The following STK36 variants were observed in gnomAD, a reference collection of about 807,000 sequenced individuals.
STK36 encodes serine/threonine kinase 36.
A neutral mutation model predicts 142.2 loss-of-function variants in STK36; 116 were observed. That is an observed-to-expected ratio of 0.82 (90% CI 0.70 to 0.95). The LOEUF (loss-of-function observed/expected upper bound fraction) is 0.95, where lower values mean the gene tolerates loss of function less well. Ranked by LOEUF, STK36 falls within the 40% of genes least tolerant of loss-of-function variation. The pLI is 0.00. For synonymous variants in STK36, 619 were observed against 641.7 expected, an observed-to-expected ratio of 0.96 and a Z score of 0.53; for missense variants, 1,422 against 1,617.2, an observed-to-expected ratio of 0.88 and a Z score of 2.07.
rs1345224953 is a variant in STK36 at position 218,694,706 on chromosome 2, A to G, written c.2511+71A>G. On this transcript the variant is annotated intron_variant, in intron 21 of 26. Coordinates refer to ENST00000295709, the MANE Select transcript of STK36 (RefSeq NM_015690.5). This position sits in a 1 kb window ranked among gnomAD's most constrained non-coding sequence, Gnocchi z 4.4. Reference sequence around the variant, plus strand: ...ACACTAGGACTGCATTCAAGGGGAAAAGACTGAAATGCCAGCAAGCCTGGA... The same window carrying G: ...ACACTAGGACTGCATTCAAGGGGAAGAGACTGAAATGCCAGCAAGCCTGGA... The G allele has an allele frequency of 9.0e-6, 12 of 1,328,050 alleles. No individual in the cohort carries two copies. Among genetic ancestry groups the G allele is most frequent in the Middle Eastern group, 4.1e-4 (2 of 4,934 alleles). The allele number at this position is 1,328,050 out of a possible 1,614,324, so 82.3% of individuals were successfully genotyped here.
In STK36 at chr2:218,685,961, G is replaced by A. The variant is rs1362542618; in HGVS notation, c.1380+733G>A. On this transcript the variant is annotated intron_variant, in intron 11 of 26. Coordinates refer to ENST00000295709, the MANE Select transcript of STK36 (RefSeq NM_015690.5). The stretch of plus-strand genomic sequence containing the variant: ...CCATTTACGGTTTTTTTTTTGAGAC[G>A]GAATCTCACTCTGTCACCCAGGCTG... Among the ~76,000 whole-genome samples, 5 of 151,232 alleles carry A rather than the reference G, an allele frequency of 3.3e-5. No homozygotes were observed. In the South Asian group the frequency reaches 8.3e-4, roughly 25 times the overall value.
chr2:218,679,278 C>A lies in STK36; in HGVS notation c.778+17C>A. On this transcript the variant is annotated intron_variant, in intron 7 of 26. Coordinates refer to ENST00000295709, the MANE Select transcript of STK36 (RefSeq NM_015690.5). Reference sequence around the variant, plus strand: ...ATGTCACCAGTGAGTCATCAGGGTTCCCAGGGCTCTTGGACTTCCCAGTAC... The same window carrying A: ...ATGTCACCAGTGAGTCATCAGGGTTACCAGGGCTCTTGGACTTCCCAGTAC... The A allele has an allele frequency of 1.4e-5, 22 of 1,612,480 alleles. No individual in the cohort carries two copies. Among genetic ancestry groups the A allele is most frequent in the Non-Finnish European group, 1.9e-5 (22 of 1,178,600 alleles).
In STK36 at chr2:218,673,926, A is replaced by C. The variant is rs143311892; in HGVS notation, c.273A>C (p.Leu91=). 1 of 1,614,124 alleles carries C rather than the reference A, an allele frequency of 6.2e-7. No homozygotes were observed. The highest frequency in any genetic ancestry group is 1.3e-5 in the African/African-American group (1 of 75,044). ...CTGAGGGAGAGCTCTTTCAGATCCTAGAAGATGACGGAAAACTTCCTGAAG... is the reference window on the plus strand; with the variant it reads ...CTGAGGGAGAGCTCTTTCAGATCCTCGAAGATGACGGAAAACTTCCTGAAG... The part of the protein sequence containing the change: ...DYAEGELFQI[L]EDDGKLPEDQ... The change falls in exon 4 of 27, where the codon CTA becomes CTC. Residue 91 remains leucine (L), a synonymous_variant. Transcript: ENST00000295709.
chr2:218,695,859 ATTCTTTTTTTT>A (rs1252082446), intron 21 of STK36, among the ~76,000 whole-genome samples: 1 of 122,124 alleles, frequency 8.2e-6, no homozygotes, highest in African/African-American at 3.3e-5. Context: ...TATATGTAGA[ATTCTTTTTTTT>A]TTTTTTTTTT....
Position 218,698,858 on chromosome 2 carries a change from C to T in STK36, c.3314C>T (p.Ala1105Val), listed in dbSNP as rs1232193532. ...SHLSFIQELL[A>V]GSDESYRPLR... ...TTGTCCTTTATCCAAGAGCTTCTGG[C>T]TGGCTCTGATGAATCCTATCGGCCC... The change falls in exon 26 of 27, where the codon GCT (alanine) becomes GTT (valine). Residue 1105 changes from alanine to valine, a missense_variant. Transcript: ENST00000295709. The T allele has an allele frequency of 1.2e-6, 2 of 1,614,110 alleles. No homozygotes were observed. The highest frequency in any genetic ancestry group is 1.7e-6 in the Non-Finnish European group (2 of 1,180,050).
rs1197537460 is a variant in STK36, at chr2:218,692,229, G to A, written c.1851G>A (p.Gln617=). ...AFYSSLLTTQ[Q]VVLDGLLHGL... is the part of the protein sequence containing the mutation. ...ACTCCAGCTTGCTGACGACACAGCA[G>A]GTTGTCTTGGATGGGCTCCTTCATG... The change falls in exon 15 of 27, where the codon CAG becomes CAA. Residue 617 remains glutamine (Q), a synonymous_variant. Coordinates refer to ENST00000295709, the MANE Select transcript of STK36 (RefSeq NM_015690.5). 3.1e-6 allele frequency: 5 copies of A among 1,614,122 alleles called. No homozygotes were observed. Among genetic ancestry groups the A allele is most frequent in the Non-Finnish European group, 4.2e-6 (5 of 1,180,062 alleles).
intron 13 of STK36, 69 bp downstream of exon 13, chr2:218,690,025 A>G: frequency 7.1e-7 from 1 of 1,401,276 alleles, no homozygotes; most frequent in Non-Finnish European, 9.9e-7. Flanking sequence ...TGCCCTTCCC[A>G]TTTAGGAACA....
chr2:218,696,805 G>C, intron 22 of STK36: 2 of 897,920 alleles, frequency 2.2e-6, no homozygotes, highest in Non-Finnish European at 1.9e-6. Flanking sequence ...GGGATCCAGT[G>C]GGAGATAAAA....
intron 11 of STK36, chr2:218,688,283 G>T (rs1467085201): frequency 4.5e-6 from 2 of 446,354 alleles, no homozygotes; most frequent in Non-Finnish European, 8.9e-6. Context: ...CCCTGATCTA[G>T]AGTTGAATAA....
At chr2:218,674,425 G>A (rs1035747864) in intron 4 of STK36, among the ~76,000 whole-genome samples, 5 of 152,198 alleles carry the variant, frequency 3.3e-5, no homozygotes, top group Non-Finnish European at 5.9e-5. Flanking sequence ...GCACCAGGAC[G>A]TAGTGGTTAG....
intron 26 of STK36, among the ~76,000 whole-genome samples, chr2:218,700,218 T>C (rs1156423799): frequency 6.6e-6 from 1 of 151,912 alleles, no homozygotes; most frequent in Non-Finnish European, 1.5e-5. Flanking sequence ...ACTCTTTTTT[T>C]TTTTGAGACT....
At position 218,694,773 on chromosome 2, in the gene STK36, T is replaced by A. The variant is rs549804897; in HGVS notation, c.2511+138T>A. 42 of 731,914 alleles carry A rather than the reference T, an allele frequency of 5.7e-5. No individual in the cohort carries two copies. Among genetic ancestry groups the A allele is most frequent in the Non-Finnish European group, 8.8e-5 (39 of 442,130 alleles). 45.3% of individuals were successfully genotyped at this position (731,914 alleles called of 1,614,324 possible). A position where few individuals can be genotyped will look rare whatever the true frequency, so the allele number is the denominator to read the frequency against. On this transcript the variant is annotated intron_variant, in intron 21 of 26. Coordinates refer to ENST00000295709, the MANE Select transcript of STK36 (RefSeq NM_015690.5). The surrounding 1 kb of genome is among the most constrained non-coding windows in gnomAD (Gnocchi z 4.4). The stretch of plus-strand genomic sequence containing the variant: ...AAAAGGAATCAAGGAGCCCTTCCTT[T>A]TCTAGATTTGTCGCCGGATGATAGG...
At chr2:218,696,896 C>A (rs768511898) in intron 22 of STK36, 143 bp from the exon 23 acceptor site, 4 of 1,223,212 alleles carry the variant, frequency 3.3e-6, no homozygotes, top group African/African-American at 1.5e-5. Flanking sequence ...TGAAATAAGA[C>A]GACAGGGAAA....
intron 26 of STK36, among the ~76,000 whole-genome samples, chr2:218,700,395 TTTATTTATTTAC>T (rs1440983401): frequency 6.6e-6 from 1 of 151,764 alleles, no homozygotes; most frequent in Non-Finnish European, 1.5e-5. Context: ...TATTTATTTA[TTTATTTATTTAC>T]TTATTTATTT....
At chr2:218,672,361 T>TG in intron 1 of STK36, 146 bp downstream of exon 1, 1 of 318,246 alleles carries the variant, frequency 3.1e-6, no homozygotes, top group Non-Finnish European at 5.9e-6. Flanking sequence ...GCTCCTAGGC[T>TG]GGGGGTGAGA....
At chr2:218,676,995 G>A (rs950185252) in intron 6 of STK36, among the ~76,000 whole-genome samples, 1 of 151,628 alleles carries the variant, frequency 6.6e-6, no homozygotes, top group Non-Finnish European at 1.5e-5. Context: ...CTGCAATGGC[G>A]CGATCTCGGC....
rs976356197 is a variant in STK36 at position 218,672,109 on chromosome 2, C to T, written c.-196C>T. The T allele has an allele frequency of 2.0e-6, 2 of 1,016,970 alleles. No individual in the cohort carries two copies. Among genetic ancestry groups the T allele is most frequent in the Non-Finnish European group, 1.5e-6 (1 of 670,808 alleles). 63.0% of individuals were successfully genotyped at this position (1,016,970 alleles called of 1,614,324 possible). A position where few individuals can be genotyped will look rare whatever the true frequency, so the allele number is the denominator to read the frequency against. On this transcript the variant is annotated 5_prime_UTR_variant, in exon 1 of 27. The change creates a premature stop within an existing upstream ORF in the 5' untranslated region. Transcript: ENST00000295709. ...TTAGCCGGGCCTGATGGCCCTGAGGCAGTTCGGATGTGTCCCAGGAAGTGC... is the reference window on the plus strand; with the variant it reads ...TTAGCCGGGCCTGATGGCCCTGAGGTAGTTCGGATGTGTCCCAGGAAGTGC...
chr2:218,675,667 G>A (rs1940207682), intron 5 of STK36, among the ~76,000 whole-genome samples, 194 bp downstream of exon 5: 1 of 151,976 alleles, frequency 6.6e-6, no homozygotes, highest in African/African-American at 2.4e-5. Context: ...TGGGATTACA[G>A]GCATGTGCCA....
chr2:218,699,067 GCT>G lies in STK36; in HGVS notation c.3524_3525del (p.Ala1175GlyfsTer47), dbSNP rs1941347408. On this transcript the variant is annotated frameshift_variant, in exon 26 of 27. Transcript: ENST00000295709. LOFTEE classifies it high-confidence loss of function. ...TGTTGTGCGGTGCAGTGCCAGCTTTGCTGTGGGCAATGCAGCCTACCAGGCTG... is the reference window on the plus strand; with the variant it reads ...TGTTGTGCGGTGCAGTGCCAGCTTTGGTGGGCAATGCAGCCTACCAGGCTG... Reference protein sequence around the residue: ...DPVVRCSASFAVGNAAYQAGP... With the variant: ...DPVVRCSASFXVGNAAYQAGP... 1 of 1,613,948 alleles carries G rather than the reference GCT, an allele frequency of 6.2e-7. No homozygotes were observed. Among genetic ancestry groups the G allele is most frequent in the Admixed American group, 1.7e-5 (1 of 59,978 alleles).
Sources: allele counts gnomAD v4.1 joint callset (sites outside exome capture counted in the v4.1 genomes callset), GRCh38; gene constraint gnomAD v4.1.1; non-coding constraint Gnocchi (gnomAD v3.1); transcripts MANE v1.5; gene names NCBI Gene and HGNC (gene_info 2026-07-23, HGNC 2026-07-21).